Variants in CDKAL1 observed in about 807,000 individuals in gnomAD.
The protein encoded by CDKAL1 is threonylcarbamoyladenosine tRNA methylthiotransferase.
A neutral mutation model predicts 68.2 loss-of-function variants in CDKAL1; 32 were observed. The observed-to-expected ratio is 0.47, with a 90% CI of 0.35 to 0.63. CDKAL1 has a LOEUF of 0.63. Ranked by LOEUF, CDKAL1 falls within the 30% of genes least tolerant of loss-of-function variation. The pLI, the probability that CDKAL1 is intolerant of heterozygous loss-of-function variation, is 0.00. For missense variants in CDKAL1, 606 were observed against 696.7 expected, an observed-to-expected ratio of 0.87 and a Z score of 1.47; for synonymous variants, 234 against 244.3, an observed-to-expected ratio of 0.96 and a Z score of 0.39.
chr6:21,218,655 C>A (rs1033106058), intron 15 of CDKAL1, among the ~76,000 whole-genome samples: 2 of 152,186 alleles, frequency 1.3e-5, no homozygotes, highest in African/African-American at 2.4e-5. Context: ...CCTTCCATTC[C>A]TTCTCCTGTG....
chr6:20,671,233 A>G (rs565575392), intron 5 of CDKAL1, among the ~76,000 whole-genome samples: 1 of 152,254 alleles, frequency 6.6e-6, no homozygotes, highest in South Asian at 2.1e-4. Flanking sequence ...AAGAAATGGT[A>G]TTTCAGGGTT....
At chr6:20,959,593 C>G (rs1407518441) in intron 10 of CDKAL1, among the ~76,000 whole-genome samples, 5 of 151,282 alleles carry the variant, frequency 3.3e-5, no homozygotes, top group Admixed American at 3.3e-4. Flanking sequence ...GTTTACATTA[C>G]CTTTTTCTCA....
chr6:21,078,757 T>A (rs1772216759), intron 12 of CDKAL1, among the ~76,000 whole-genome samples: 1 of 152,166 alleles, frequency 6.6e-6, no homozygotes, highest in African/African-American at 2.4e-5. Context: ...CACTTAGCAT[T>A]TAAGCCTCTC....
At chr6:21,212,496 T>C (rs895283515) in intron 15 of CDKAL1, among the ~76,000 whole-genome samples, 1 of 152,312 alleles carries the variant, frequency 6.6e-6, no homozygotes, top group South Asian at 2.1e-4. Flanking sequence ...GAGTTGCTTC[T>C]AACCATAAAT....
intron 5 of CDKAL1, among the ~76,000 whole-genome samples, chr6:20,685,281 C>T (rs538672840): frequency 1.4e-4 from 22 of 152,262 alleles, no homozygotes; most frequent in East Asian, 1.4e-3. Flanking sequence ...ATATTGCTTT[C>T]GCTCCTTGGT....
chr6:20,796,280 A>G (rs1452016524), intron 8 of CDKAL1, among the ~76,000 whole-genome samples: 1 of 152,240 alleles, frequency 6.6e-6, no homozygotes, highest in Non-Finnish European at 1.5e-5. Flanking sequence ...AAATGCTTAG[A>G]TAAAAATCTG....
chr6:20,562,019 G>A (rs1006481801), intron 4 of CDKAL1, among the ~76,000 whole-genome samples: 1 of 152,094 alleles, frequency 6.6e-6, no homozygotes, highest in African/African-American at 2.4e-5. Context: ...TTATTCAATT[G>A]GAAGCAGTAA....
chr6:20,935,126 C>T (rs1273040518), intron 9 of CDKAL1, among the ~76,000 whole-genome samples: 2 of 152,064 alleles, frequency 1.3e-5, no homozygotes, highest in Non-Finnish European at 2.9e-5. Flanking sequence ...GAACTCGTGA[C>T]CTCAAGATCC....
intron 8 of CDKAL1, among the ~76,000 whole-genome samples, chr6:20,794,921 A>C (rs1316769611): frequency 6.6e-6 from 1 of 152,156 alleles, no homozygotes; most frequent in Non-Finnish European, 1.5e-5. Context: ...ATGTAGGTCA[A>C]AATACCAGAA....
intron 9 of CDKAL1, among the ~76,000 whole-genome samples, chr6:20,885,926 TA>T (rs1226075899): frequency 6.6e-6 from 1 of 151,618 alleles, no homozygotes; most frequent in African/African-American, 2.4e-5. Context: ...CTATTAAAAA[TA>T]AAAAAACAAA....
At chr6:20,884,703 A>G (rs758025976) in intron 9 of CDKAL1, among the ~76,000 whole-genome samples, 51 of 152,252 alleles carry the variant, frequency 3.3e-4, no homozygotes, top group Non-Finnish European at 6.5e-4. Context: ...GTTTCTCTTC[A>G]TCAGCAATGA....
chr6:20,838,303 A>AT (rs1215823627), intron 8 of CDKAL1, among the ~76,000 whole-genome samples: 4 of 152,100 alleles, frequency 2.6e-5, no homozygotes. Flanking sequence ...CAGCTTGGAC[A>AT]TTCGTAAGTT....
intron 7 of CDKAL1, among the ~76,000 whole-genome samples, chr6:20,778,323 A>G (rs1350592704): frequency 6.6e-6 from 1 of 152,236 alleles, no homozygotes; most frequent in Non-Finnish European, 1.5e-5. Context: ...TTCAAGGCAC[A>G]CCATTGTGAA....
At chr6:20,811,937 T>C (rs1776837605) in intron 8 of CDKAL1, among the ~76,000 whole-genome samples, 1 of 152,194 alleles carries the variant, frequency 6.6e-6, no homozygotes. Flanking sequence ...TTTACAAATA[T>C]AAAAGCCATC....
intron 13 of CDKAL1, among the ~76,000 whole-genome samples, chr6:21,124,883 C>T (rs1227453607): frequency 6.6e-6 from 1 of 152,044 alleles, no homozygotes; most frequent in African/African-American, 2.4e-5. Flanking sequence ...CCCTCAGTCA[C>T]TTACAGGATA....
chr6:20,606,465 T>A (rs1196100834), intron 4 of CDKAL1, among the ~76,000 whole-genome samples: 2 of 152,176 alleles, frequency 1.3e-5, no homozygotes, highest in Non-Finnish European at 2.9e-5. Context: ...AGAAGCTGAA[T>A]GTGTAGAATT....
chr6:20,699,031 A>C (rs1313280498), intron 5 of CDKAL1, among the ~76,000 whole-genome samples: 3 of 152,140 alleles, frequency 2.0e-5, no homozygotes, highest in African/African-American at 7.2e-5. Context: ...ATTTTTTTAA[A>C]GTCAGAAAAT....
chr6:21,184,826 T>TC (rs1777943297), intron 13 of CDKAL1, among the ~76,000 whole-genome samples: 1 of 144,900 alleles, frequency 6.9e-6, no homozygotes. Flanking sequence ...GCAGCTAATT[T>TC]TTTTTTTTTT....
chr6:21,055,418 T>C (rs182259807), intron 11 of CDKAL1, among the ~76,000 whole-genome samples: 32 of 152,290 alleles, frequency 2.1e-4, no homozygotes, highest in African/African-American at 7.7e-4. Context: ...ATGTGCAGGA[T>C]GTGCAGGTTT....
Sources: gnomAD v4.1 joint callset for allele counts (sites outside exome capture counted in the v4.1 genomes callset) on GRCh38, gnomAD v4.1.1 for gene constraint, MANE v1.5 for transcripts, NCBI Gene and HGNC (gene_info 2026-07-23, HGNC 2026-07-21) for gene names.